The following FAM9C variants were observed in gnomAD, a reference collection of about 807,000 sequenced individuals.
The protein encoded by FAM9C is family with sequence similarity 9 member C.
Under a neutral mutation model 14.8 loss-of-function variants are expected in FAM9C, and 15 were observed. The ratio of observed to expected loss-of-function variants is 1.02; its 90% CI spans 0.68 to 1.56. The LOEUF is 1.56. Among genes scored for constraint, FAM9C ranks in the 40% most tolerant of loss-of-function variants. FAM9C has a pLI of 0.00. For missense variants in FAM9C, 116 were observed against 118.0 expected (o/e 0.98, Z 0.08); for synonymous variants, 45 against 37.5 (o/e 1.20, Z -0.74).
At chrX:13,040,962 G>T in intron 4 of FAM9C, 90 bp from the exon 5 acceptor site, 1 of 442,283 alleles carries the variant, frequency 2.3e-6, no homozygotes, top group Non-Finnish European at 3.6e-6. Flanking sequence ...TGATGGTTCA[G>T]CAATATCAGA....
rs753467897 is a variant in FAM9C at position 13,043,201 on chromosome X, C to G, written c.109G>C (p.Glu37Gln). Residue 37 changes from glutamate (E) to glutamine (Q), a missense_variant, in exon 3 of 8, where the codon GAG becomes CAG. Glu to Gln is a conservative substitution (Grantham distance 29, BLOSUM62 2). Transcript: ENST00000380625. ...HEHEERKPVT[E>Q]TKEGDVTDEH... is the part of the protein sequence containing the mutation. ...TCAGTTACATCTCCCTCCTTTGTCT[C>G]TGTAACAGGTTTTCTTTCCTCATGC... is the stretch of plus-strand genomic sequence containing the variant. The G allele has an allele frequency of 1.7e-6, 2 of 1,208,330 alleles. No individual in the cohort carries two copies. The highest frequency in any genetic ancestry group is 3.5e-5 in the African/African-American group (2 of 57,226).
intron 5 of FAM9C, 76 bp downstream of exon 5, chrX:13,040,682 T>G: frequency 1.4e-6 from 1 of 716,877 alleles, no homozygotes; most frequent in East Asian, 3.6e-5. Context: ...TACAGGATAG[T>G]TCTGGAAATT....
chrX:13,043,408 G>C (rs931409476), intron 2 of FAM9C, among the ~76,000 whole-genome samples, 160 bp from the exon 3 acceptor site: 1 of 112,382 alleles, frequency 8.9e-6, no homozygotes, highest in Non-Finnish European at 1.9e-5. Flanking sequence ...ACCATTTTAC[G>C]GAGGCATTTT....
chrX:13,043,626 C>A (rs970050015), intron 2 of FAM9C, 103 bp downstream of exon 2: 11 of 1,023,169 alleles, frequency 1.1e-5, no homozygotes, highest in Non-Finnish European at 1.5e-5. Context: ...TCCAAAGCCA[C>A]GAAGGGGCCG....
At chrX:13,040,032 G>A (rs2043512901) in intron 5 of FAM9C, 116 bp from the exon 6 acceptor site, 2 of 607,353 alleles carry the variant, frequency 3.3e-6, no homozygotes, top group Non-Finnish European at 2.4e-6. Flanking sequence ...GGGAGTAATA[G>A]CAGCTGAAAT....
chrX:13,039,314 C>T (rs989513538), intron 6 of FAM9C, among the ~76,000 whole-genome samples: 16 of 111,299 alleles, frequency 1.4e-4, no homozygotes, highest in African/African-American at 4.9e-4. Context: ...TCCCAACATA[C>T]AGCCACTACC....
intron 2 of FAM9C, 89 bp from the exon 3 acceptor site, chrX:13,043,337 T>C: frequency 9.2e-7 from 1 of 1,087,660 alleles, no homozygotes; most frequent in Admixed American, 2.9e-5. Context: ...TTGTAGACTT[T>C]TTTGGCTCTC....
rs374284108 is a variant in FAM9C at position 13,043,798 on chromosome X, C to T, written c.-9G>A. On this transcript the variant is annotated 5_prime_UTR_variant, in exon 2 of 8. Transcript: ENST00000380625. ...TGGTCCTTGGCAGCCATCCTGCTGC[C>T]CTTCCTGCCCACGGGCTCCGTGGCT... The T allele has an allele frequency of 2.0e-5, 24 of 1,210,643 alleles. No individual in the cohort carries two copies. In the African/African-American group the frequency reaches 3.8e-4, roughly 19 times the overall value.
intron 7 of FAM9C, chrX:13,036,812 A>C (rs1206530837): frequency 1.8e-5 from 2 of 112,417 alleles, no homozygotes; most frequent in Non-Finnish European, 3.8e-5. Flanking sequence ...CGAATAAAAA[A>C]AATAATACAA....
chrX:13,037,198 G>C (rs1410036177), intron 7 of FAM9C: 3 of 112,213 alleles, frequency 2.7e-5, no homozygotes, highest in Non-Finnish European at 3.8e-5. Flanking sequence ...ATCAATGAAG[G>C]GTGGCTCAGA....
chrX:13,044,214 G>T (rs1233932198), intron 1 of FAM9C, among the ~76,000 whole-genome samples: 1 of 111,904 alleles, frequency 8.9e-6, no homozygotes, highest in African/African-American at 3.3e-5. Flanking sequence ...TCTGACAGGG[G>T]CAGGGACTGC....
At chrX:13,036,079 A>G (rs2043478176) in intron 7 of FAM9C, 61 bp from the exon 8 acceptor site, 1 of 112,653 alleles carries the variant, frequency 8.9e-6, no homozygotes, top group South Asian at 3.6e-4. Flanking sequence ...AAAATATTCC[A>G]GTGCTTACAT....
intron 6 of FAM9C, among the ~76,000 whole-genome samples, chrX:13,039,324 C>T (rs2043505854): frequency 9.0e-6 from 1 of 111,249 alleles, no homozygotes; most frequent in Non-Finnish European, 1.9e-5. Context: ...CAGCCACTAC[C>T]TTCCTGCCAC....
chrX:13,038,665 T>C (rs2043499927), intron 6 of FAM9C, among the ~76,000 whole-genome samples, 162 bp from the exon 7 acceptor site: 2 of 112,700 alleles, frequency 1.8e-5, no homozygotes, highest in African/African-American at 6.4e-5. Flanking sequence ...ACTCATGTGC[T>C]AAAACAATAA....
chrX:13,043,454 G>A (rs1334808181), intron 2 of FAM9C, among the ~76,000 whole-genome samples: 40 of 112,392 alleles, frequency 3.6e-4, no homozygotes, highest in Non-Finnish European at 1.5e-4. Flanking sequence ...AGTAAACAAC[G>A]TTCACAGGTC....
chrX:13,038,628 G>T, intron 6 of FAM9C, 125 bp from the exon 7 acceptor site: 1 of 560,081 alleles, frequency 1.8e-6, no homozygotes, highest in South Asian at 4.3e-5. Context: ...CAACGTTTAT[G>T]ACCAATTTGA....
At chrX:13,043,324 T>C in intron 2 of FAM9C, 76 bp from the exon 3 acceptor site, 1 of 1,119,680 alleles carries the variant, frequency 8.9e-7, no homozygotes, top group Non-Finnish European at 1.2e-6. Context: ...AGAAACGTAC[T>C]ATTTGTAGAC....
At chrX:13,043,010 G>C in intron 3 of FAM9C, 61 bp from the exon 4 acceptor site, 2 of 1,163,814 alleles carry the variant, frequency 1.7e-6, no homozygotes, top group South Asian at 2.0e-5. Context: ...CTTGTTTGTT[G>C]GGAAGAAATG....
intron 1 of FAM9C, 26 bp from the exon 2 acceptor site, chrX:13,043,883 G>T: frequency 1.1e-6 from 1 of 895,707 alleles, no homozygotes; most frequent in Non-Finnish European, 1.6e-6. Flanking sequence ...ACACACTAAG[G>T]ACACTAAGGA....
Sources: allele counts gnomAD v4.1 joint callset (sites outside exome capture counted in the v4.1 genomes callset), GRCh38; gene constraint gnomAD v4.1.1; transcripts MANE v1.5; gene names NCBI Gene and HGNC (gene_info 2026-07-23, HGNC 2026-07-21).